The following SFI1 variants were observed in gnomAD, a reference collection of about 807,000 sequenced individuals.
The protein encoded by SFI1 is protein SFI1 homolog.
In SFI1, 195 loss-of-function variants were observed where a neutral mutation model predicts 207.5. The observed-to-expected ratio is 0.94, with a 90% CI of 0.84 to 1.06. The LOEUF (loss-of-function observed/expected upper bound fraction) is 1.06, where lower values mean the gene tolerates loss of function less well. SFI1 is among the 50% of genes least tolerant of loss of function. The pLI, the probability that SFI1 is intolerant of heterozygous loss-of-function variation, is 0.00. For synonymous variants in SFI1, 630 were observed against 598.9 expected (o/e 1.05, Z -0.76); for missense variants, 1,634 against 1,588.0 (o/e 1.03, Z -0.49).
chr22:31,530,897 C>A lies in SFI1; in HGVS notation c.267-161C>A, dbSNP rs5749294. 5 of 606,730 alleles carry A rather than the reference C, an allele frequency of 8.2e-6. No homozygotes were observed. In the East Asian group the frequency reaches 1.4e-4, roughly 17 times the overall value. The allele number at this position is 606,730 out of a possible 1,614,324, so 37.6% of individuals were successfully genotyped here. A position where few individuals can be genotyped will look rare whatever the true frequency, so the allele number is the denominator to read the frequency against. On this transcript the variant is annotated intron_variant, in intron 3 of 32. Coordinates refer to ENST00000400288, the MANE Select transcript of SFI1 (RefSeq NM_001007467.3). ...TTTAGCTTTATAAATCTGCCCCATC[C>A]TATGCCCTGTATGATGCAAAATTAG...
At chr22:31,548,303 C>T (rs2060290939) in intron 5 of SFI1, among the ~76,000 whole-genome samples, 1 of 151,944 alleles carries the variant, frequency 6.6e-6, no homozygotes, top group South Asian at 2.1e-4. Context: ...AGTGTGGTGG[C>T]TCACTCCTAT....
At chr22:31,590,215 C>G (rs904128341) in intron 15 of SFI1, among the ~76,000 whole-genome samples, 1 of 151,346 alleles carries the variant, frequency 6.6e-6, no homozygotes, top group African/African-American at 2.4e-5. Context: ...AAATGCTTGT[C>G]TCATCTGCAA....
At chr22:31,514,148 A>T in intron 2 of SFI1, among the ~76,000 whole-genome samples, 1 of 138,484 alleles carries the variant, frequency 7.2e-6, no homozygotes, top group Admixed American at 7.5e-5. Flanking sequence ...CTCAAAAAAA[A>T]AAAAAAAAAA....
intron 2 of SFI1, among the ~76,000 whole-genome samples, chr22:31,515,282 C>T (rs1232240531): frequency 1.3e-5 from 2 of 151,974 alleles, no homozygotes; most frequent in Non-Finnish European, 1.5e-5. Flanking sequence ...CATTGACTTA[C>T]CAACACTATA....
intron 14 of SFI1, among the ~76,000 whole-genome samples, chr22:31,586,250 T>G (rs7510890): frequency 1.3e-5 from 2 of 152,064 alleles, no homozygotes; most frequent in African/African-American, 4.8e-5. Context: ...CCCAGGCCAG[T>G]CCACCTCCAC....
intron 9 of SFI1, among the ~76,000 whole-genome samples, 185 bp from the exon 10 acceptor site, chr22:31,575,046 G>A (rs898725699): frequency 2.0e-5 from 3 of 149,596 alleles, no homozygotes; most frequent in Admixed American, 6.7e-5. Flanking sequence ...GCAACAGAGC[G>A]AGACTCCAAC....
intron 4 of SFI1, among the ~76,000 whole-genome samples, chr22:31,538,034 C>T (rs528577872): frequency 2.0e-4 from 30 of 152,260 alleles, no homozygotes; most frequent in Middle Eastern, 6.8e-3. Flanking sequence ...TGCAGTGACG[C>T]GATCTTGGCT....
At chr22:31,615,474 T>C (rs577425420) in intron 29 of SFI1, 195 bp downstream of exon 29, 81 of 455,026 alleles carry the variant, frequency 1.8e-4, no homozygotes, top group Admixed American at 7.0e-4. Flanking sequence ...CCAAGGGCCC[T>C]GCCATCCTGA....
At chr22:31,513,822 G>A (rs1342437447) in intron 2 of SFI1, among the ~76,000 whole-genome samples, 1 of 149,960 alleles carries the variant, frequency 6.7e-6, no homozygotes, top group Non-Finnish European at 1.5e-5. Flanking sequence ...CTCGTGATCC[G>A]CCCACCTCAG....
At chr22:31,530,382 C>T (rs538998318) in intron 3 of SFI1, among the ~76,000 whole-genome samples, 7 of 144,448 alleles carry the variant, frequency 4.8e-5, no homozygotes, top group African/African-American at 7.6e-5. Flanking sequence ...CCCAGCTACT[C>T]GGGAGGCTGA....
At chr22:31,614,979 CCTT>C (rs1264455526) in intron 28 of SFI1, 66 bp from the exon 29 acceptor site, 5 of 1,579,454 alleles carry the variant, frequency 3.2e-6, no homozygotes, top group Non-Finnish European at 3.4e-6. Context: ...GGCCCCCTTT[CCTT>C]CTTGTTCTTT....
intron 30 of SFI1, 39 bp downstream of exon 30, chr22:31,616,916 G>A: frequency 6.2e-7 from 1 of 1,611,166 alleles, no homozygotes; most frequent in African/African-American, 1.3e-5. Flanking sequence ...AAGCACTCAG[G>A]CCACTCCCGG....
At chr22:31,559,712 A>C (rs578008779) in intron 7 of SFI1, 2 of 842,742 alleles carry the variant, frequency 2.4e-6, no homozygotes, top group Non-Finnish European at 4.0e-6. Context: ...ATGCCAGTAC[A>C]AGATCCCAGA....
At chr22:31,561,257 G>A in intron 7 of SFI1, 33 bp from the exon 8 acceptor site, 1 of 1,602,294 alleles carries the variant, frequency 6.2e-7, no homozygotes, top group African/African-American at 1.3e-5. Context: ...GCTTTTTACT[G>A]ATGGATTCCA....
At chr22:31,541,231 A>G (rs1353899788) in intron 4 of SFI1, among the ~76,000 whole-genome samples, 2 of 147,594 alleles carry the variant, frequency 1.4e-5, no homozygotes, top group Non-Finnish European at 3.1e-5. Context: ...CTACAAGAAG[A>G]CACTTAGTTC....
At chr22:31,561,236 T>C in intron 7 of SFI1, 54 bp from the exon 8 acceptor site, 2 of 1,542,488 alleles carry the variant, frequency 1.3e-6, no homozygotes, top group Non-Finnish European at 1.8e-6. Context: ...TGCTCCTCTC[T>C]TTCCTGAGTG....
intron 1 of SFI1, among the ~76,000 whole-genome samples, chr22:31,500,499 CCA>C (rs1173308501): frequency 6.6e-6 from 1 of 152,002 alleles, no homozygotes; most frequent in East Asian, 1.9e-4. Context: ...ATCTCATCAC[CCA>C]CGGTGGAATG....
chr22:31,547,232 TTGAA>T (rs1385580331), intron 5 of SFI1, among the ~76,000 whole-genome samples: 3 of 152,280 alleles, frequency 2.0e-5, no homozygotes, highest in Non-Finnish European at 4.4e-5. Context: ...TGCTAATACT[TTGAA>T]TGGGATTTTC....
chr22:31,598,861 T>G, intron 15 of SFI1, among the ~76,000 whole-genome samples: 1 of 138,396 alleles, frequency 7.2e-6, no homozygotes, highest in Non-Finnish European at 1.5e-5. Flanking sequence ...TGGCACGATC[T>G]CAGCTCACTG....
Sources: gnomAD v4.1 joint callset for allele counts (sites outside exome capture counted in the v4.1 genomes callset) on GRCh38, gnomAD v4.1.1 for gene constraint, MANE v1.5 for transcripts, NCBI Gene and HGNC (gene_info 2026-07-23, HGNC 2026-07-21) for gene names.